The following ZNF577 variants were observed in gnomAD, a reference collection of about 807,000 sequenced individuals.
The protein encoded by ZNF577 is zinc finger protein 577.
A neutral mutation model predicts 13.9 loss-of-function variants in ZNF577; 14 were observed. The observed-to-expected ratio is 1.00, with a 90% confidence interval of 0.66 to 1.57. The LOEUF (loss-of-function observed/expected upper bound fraction) is 1.57, where lower values mean the gene tolerates loss of function less well. Among genes scored for constraint, ZNF577 ranks in the 40% most tolerant of loss-of-function variants. ZNF577 has a pLI of 0.00. For synonymous variants in ZNF577, 203 were observed against 202.9 expected (o/e 1.00, Z 0.00); for missense variants, 555 against 579.2 (o/e 0.96, Z 0.43).
At chr19:51,807,447 C>T (rs2084067518) in intron 10 of ZNF577, among the ~76,000 whole-genome samples, 1 of 152,148 alleles carries the variant, frequency 6.6e-6, no homozygotes, top group Admixed American at 6.5e-5. Flanking sequence ...CAGTGGAATG[C>T]TGAGTTGGTC....
chr19:51,873,536 A>T lies in ZNF577; in HGVS notation c.454T>A (p.Cys152Ser). ...CATTCATGTGGTTTCCCTCCTGCACAAATTTTTTGTAGGTCATTGAGCTGT... is the reference window on the plus strand; with the variant it reads ...CATTCATGTGGTTTCCCTCCTGCACTAATTTTTTGTAGGTCATTGAGCTGT... ...KSQLNDLQKI[C>S]AGGKPHECSV... The change falls in exon 6 of 6, where the codon TGT becomes AGT. Residue 152 changes from cysteine (C) to serine (S), a missense_variant. Cys to Ser is a moderately radical substitution (Grantham distance 112, BLOSUM62 -1). Coordinates refer to ENST00000638348, the MANE Select transcript of ZNF577 (RefSeq NM_001370449.1). The T allele has an allele frequency of 6.2e-7, 1 of 1,614,202 alleles. No homozygotes were observed. Among genetic ancestry groups the T allele is most frequent in the South Asian group, 1.1e-5 (1 of 91,086 alleles).
intron 5 of ZNF577, among the ~76,000 whole-genome samples, chr19:51,848,480 C>A (rs1212768778): frequency 1.3e-5 from 2 of 152,192 alleles, no homozygotes; most frequent in African/African-American, 2.4e-5. Flanking sequence ...GATATGGAAT[C>A]TTTCTCCATA....
rs149932381 is a variant in ZNF577, at chr19:51,869,786, A to G, written c.*2746T>C. Among the ~76,000 whole-genome samples the G allele has an allele frequency of 5.8e-3, 883 of 152,332 alleles. 5 individuals are homozygous for G. Among genetic ancestry groups the G allele is most frequent in the Non-Finnish European group, 8.9e-3 (606 of 68,028 alleles). On this transcript the variant is annotated 3_prime_UTR_variant, in exon 6 of 6. Transcript: ENST00000638348. ...CAAGACACACCAGCCGCTAACTAGA[A>G]TAAGTTGTTAGGCCTCCTAACTGTA...
At chr19:51,846,749 C>T (rs1191352000) in intron 5 of ZNF577, among the ~76,000 whole-genome samples, 1 of 152,044 alleles carries the variant, frequency 6.6e-6, no homozygotes, top group Non-Finnish European at 1.5e-5. Flanking sequence ...CCCCCTACTG[C>T]CATATGAAAA....
chr19:51,857,438 C>A (rs1250122383), intron 5 of ZNF577, among the ~76,000 whole-genome samples: 30 of 142,574 alleles, frequency 2.1e-4, no homozygotes, highest in African/African-American at 6.5e-4. Flanking sequence ...AAAGAAAAAA[C>A]AAAGAAAGGA....
intron 5 of ZNF577, among the ~76,000 whole-genome samples, chr19:51,857,426 G>GAAAGAAAGAAAGAAAAAGAAAGAA: frequency 2.1e-5 from 2 of 96,818 alleles, no homozygotes; most frequent in East Asian, 2.5e-4. Context: ...AAGAAAGAAA[G>GAAAGAAAGAAAGAAAAAGAAAGAA]AAAAGAAAAA....
At position 51,869,067 on chromosome 19, in the gene ZNF577, C is replaced by G. The variant is rs748884167; in HGVS notation, c.*3465G>C. On this transcript the variant is annotated 3_prime_UTR_variant, in exon 6 of 6. Transcript: ENST00000638348. ...CGTCCAAGGTTTCTCCCCACTGAGA[C>G]AGCCTGAGATATGGCCTCGTGGGAA... Among the ~76,000 whole-genome samples, 14 of 152,340 alleles carry G rather than the reference C, an allele frequency of 9.2e-5. No individual in the cohort carries two copies. The highest frequency in any genetic ancestry group is 2.0e-4 in the Admixed American group (3 of 15,308).
chr19:51,827,811 T>C (rs1256968102), intron 9 of ZNF577, among the ~76,000 whole-genome samples: 2 of 152,240 alleles, frequency 1.3e-5, no homozygotes, highest in Non-Finnish European at 2.9e-5. Context: ...TTGTCAATTC[T>C]GTATTGTGAA....
intron 5 of ZNF577, among the ~76,000 whole-genome samples, chr19:51,850,126 A>G (rs1357507924): frequency 6.6e-6 from 1 of 152,196 alleles, no homozygotes; most frequent in Non-Finnish European, 1.5e-5. Context: ...GTAAAGCACT[A>G]ATCTTCTCCA....
intron 6 of ZNF577, among the ~76,000 whole-genome samples, chr19:51,843,474 T>C (rs2084332487): frequency 6.6e-6 from 1 of 152,224 alleles, no homozygotes; most frequent in Admixed American, 6.5e-5. Flanking sequence ...TGGAATACAT[T>C]AAAAACTATC....
Position 51,872,724 on chromosome 19 carries a change from G to A in ZNF577, c.1266C>T (p.Thr422=). 6.2e-7 allele frequency: 1 copy of A among 1,614,170 alleles called. No individual in the cohort carries two copies. The highest frequency in any genetic ancestry group is 8.5e-7 in the Non-Finnish European group (1 of 1,180,022). Residue 422 remains threonine, a synonymous_variant, in exon 6 of 6, where the codon ACC becomes ACT. Coordinates refer to ENST00000638348, the MANE Select transcript of ZNF577 (RefSeq NM_001370449.1). The part of the protein sequence containing the change: ...TVPIEMPSSG[T]PPLLNKSERL... ...GCTCACTCTTGTTTAACAATGGCGG[G>A]GTTCCTGAGGAAGGCATTTCTATAG...
At chr19:51,862,895 T>G (rs1241092185), downstream of ZNF577, 1 of 152,452 alleles carries the variant, frequency 6.6e-6, no homozygotes, top group East Asian at 1.9e-4. Flanking sequence ...TCACATACTT[T>G]GCAAATGAAC....
chr19:51,858,252 C>T (rs1434239648), intron 5 of ZNF577, among the ~76,000 whole-genome samples: 2 of 152,206 alleles, frequency 1.3e-5, no homozygotes, highest in African/African-American at 4.8e-5. Context: ...CACTCTATTC[C>T]TGAGTGCAAT....
At chr19:51,867,042 C>G (rs2084574292), downstream of ZNF577, among the ~76,000 whole-genome samples, 1 of 152,058 alleles carries the variant, frequency 6.6e-6, no homozygotes. Flanking sequence ...TCAGAAACAA[C>G]TTAAGTACAT....
At chr19:51,808,843 A>G (rs1221374370) in intron 10 of ZNF577, among the ~76,000 whole-genome samples, 1 of 152,172 alleles carries the variant, frequency 6.6e-6, no homozygotes, top group Non-Finnish European at 1.5e-5. Context: ...TTCCAAGCTT[A>G]TGTGTCCGGC....
chr19:51,857,426 G>GAAAGAAAAAGAAAGAA (rs1555745840), intron 5 of ZNF577, among the ~76,000 whole-genome samples: 29 of 96,780 alleles, frequency 3.0e-4, no homozygotes, highest in East Asian at 2.7e-3. Flanking sequence ...AAGAAAGAAA[G>GAAAGAAAAAGAAAGAA]AAAAGAAAAA....
chr19:51,833,962 G>A (rs554743774), intron 9 of ZNF577, among the ~76,000 whole-genome samples: 3 of 152,138 alleles, frequency 2.0e-5, no homozygotes, highest in Admixed American at 2.0e-4. Flanking sequence ...AGTCAAATCA[G>A]GGTAATTAGC....
chr19:51,883,862 C>G (rs2084902323), intron 1 of ZNF577, among the ~76,000 whole-genome samples: 1 of 152,128 alleles, frequency 6.6e-6, no homozygotes, highest in Non-Finnish European at 1.5e-5. Flanking sequence ...CACTTGAGGT[C>G]AAGAGTTCAA....
intron 5 of ZNF577, among the ~76,000 whole-genome samples, chr19:51,849,684 T>C (rs1043028809): frequency 6.6e-6 from 1 of 152,232 alleles, no homozygotes; most frequent in East Asian, 1.9e-4. Flanking sequence ...CCTCATACAC[T>C]GTTAGTAACA....
Sources: allele counts gnomAD v4.1 joint callset (sites outside exome capture counted in the v4.1 genomes callset), GRCh38; gene constraint gnomAD v4.1.1; transcripts MANE v1.5; gene names NCBI Gene and HGNC (gene_info 2026-07-23, HGNC 2026-07-21).